ST3GAL4: variants seen among roughly 807,000 people sequenced by gnomAD.
ST3GAL4 encodes the protein CMP-N-acetylneuraminate-beta-galactosamide-alpha-2,3-sialyltransferase 4.
In ST3GAL4, 24 loss-of-function variants were observed where a neutral mutation model predicts 42.6. That is an observed-to-expected ratio of 0.56 (90% CI 0.41 to 0.79). The LOEUF is 0.79. Ranked by LOEUF, ST3GAL4 falls within the 30% of genes least tolerant of loss-of-function variation. The pLI is 0.00. For synonymous variants in ST3GAL4, 135 were observed against 163.2 expected (o/e 0.83, Z 1.32); for missense variants, 311 against 430.8 (o/e 0.72, Z 2.46).
At chr11:126,380,257 A>G (rs920176764) in intron 1 of ST3GAL4, among the ~76,000 whole-genome samples, 14 of 150,834 alleles carry the variant, frequency 9.3e-5, no homozygotes, top group African/African-American at 3.2e-4. Context: ...GCGAGACTGT[A>G]TCAAAAAAAA....
At chr11:126,403,056 T>C (rs895602668) in intron 1 of ST3GAL4, among the ~76,000 whole-genome samples, 7 of 152,170 alleles carry the variant, frequency 4.6e-5, no homozygotes, top group Non-Finnish European at 7.4e-5. Context: ...GTGGGGGAGC[T>C]GCTGGGGAAA....
chr11:126,391,441 G>A lies in ST3GAL4; in HGVS notation c.-60-14655G>A, dbSNP rs142921100. On this transcript the variant is annotated intron_variant, in intron 1 of 10. Coordinates refer to ENST00000444328, the MANE Select transcript of ST3GAL4 (RefSeq NM_001254757.2). The surrounding 1 kb of genome is among the most constrained non-coding windows in gnomAD (Gnocchi z 5.5). ...TGGAGTGGGGGTGCTGTTTCGGAGAGCGATGAATCAGGGGCTTGGGTGCTG... is the reference window on the plus strand; with the variant it reads ...TGGAGTGGGGGTGCTGTTTCGGAGAACGATGAATCAGGGGCTTGGGTGCTG... 3.8e-3 allele frequency among the ~76,000 whole-genome samples: 580 copies of A among 152,322 alleles called. 1 individual carries two copies. Among genetic ancestry groups the A allele is most frequent in the Admixed American group, 4.6e-3 (71 of 15,308 alleles).
rs869295718 is a variant in ST3GAL4, at chr11:126,374,454, C to CAA, written c.-61+18635_-61+18636dup. ...GAATGACAAAGCAAGACTTTGTCTC[C>CAA]AAAAAAAAAAAAAAAAAAAAAAAAT... is the stretch of plus-strand genomic sequence containing the variant. On this transcript the variant is annotated intron_variant, in intron 1 of 10. Transcript: ENST00000444328. Among the ~76,000 whole-genome samples the CAA allele has an allele frequency of 5.6e-3, 350 of 62,796 alleles. 1 individual carries two copies. The highest frequency in any genetic ancestry group is 7.4e-3 in the African/African-American group (125 of 16,950). 41.2% of individuals were successfully genotyped at this position (62,796 alleles called of 152,430 possible). A position where few individuals can be genotyped will look rare whatever the true frequency, so the allele number is the denominator to read the frequency against.
At position 126,376,621 on chromosome 11, in the gene ST3GAL4, T is replaced by G. The variant is rs533383566; in HGVS notation, c.-61+20779T>G. On this transcript the variant is annotated intron_variant, in intron 1 of 10. Transcript: ENST00000444328. This position sits in a 1 kb window ranked among gnomAD's most constrained non-coding sequence, Gnocchi z 5.1. ...GCTGTCTTTTAAGCAAGGTTAAGGC[T>G]GTTGTTAAGGCCTCATTGGTTTTGT... Among the ~76,000 whole-genome samples, 1 of 152,338 alleles carries G rather than the reference T, an allele frequency of 6.6e-6. No individual in the cohort carries two copies. The highest frequency in any genetic ancestry group is 6.5e-5 in the Admixed American group (1 of 15,304).
At chr11:126,380,967 C>A (rs898991240) in intron 1 of ST3GAL4, among the ~76,000 whole-genome samples, 1 of 152,204 alleles carries the variant, frequency 6.6e-6, no homozygotes, top group Non-Finnish European at 1.5e-5. Flanking sequence ...TCTGTACATG[C>A]GTGCCTGGAA....
At chr11:126,382,775 A>G (rs1255778731) in intron 1 of ST3GAL4, among the ~76,000 whole-genome samples, 2 of 152,172 alleles carry the variant, frequency 1.3e-5, no homozygotes, top group Non-Finnish European at 2.9e-5. Flanking sequence ...AGGCTCTGGA[A>G]TCCTCTGTCC....
chr11:126,398,976 C>T lies in ST3GAL4; in HGVS notation c.-60-7120C>T, dbSNP rs1392577618. Among the ~76,000 whole-genome samples the T allele has an allele frequency of 1.3e-5, 2 of 152,178 alleles. No homozygotes were observed. The highest frequency in any genetic ancestry group is 2.9e-5 in the Non-Finnish European group (2 of 68,010). On this transcript the variant is annotated intron_variant, in intron 1 of 10. Transcript: ENST00000444328. This position sits in a 1 kb window ranked among gnomAD's most constrained non-coding sequence, Gnocchi z 4.7. Reference sequence around the variant, plus strand: ...TGGCTTTTGACATAGTTCCTTCCCTCAGATTTTGGCACTGCCGGAGCTGTG... The same window carrying T: ...TGGCTTTTGACATAGTTCCTTCCCTTAGATTTTGGCACTGCCGGAGCTGTG...
At chr11:126,394,437 T>G (rs1953649901) in intron 1 of ST3GAL4, among the ~76,000 whole-genome samples, 1 of 152,226 alleles carries the variant, frequency 6.6e-6, no homozygotes, top group Non-Finnish European at 1.5e-5. Flanking sequence ...TTCTTTTTTC[T>G]TTTCTTTTTG....
At position 126,406,781 on chromosome 11, in the gene ST3GAL4, C is replaced by T; in HGVS notation, c.102-162C>T. Reference sequence around the variant, plus strand: ...CCCAGGGAGTGCAGGGGCAGGAAGACCTGGATCCTCAAGGACTTGGGTTCC... The same window carrying T: ...CCCAGGGAGTGCAGGGGCAGGAAGATCTGGATCCTCAAGGACTTGGGTTCC... On this transcript the variant is annotated intron_variant, in intron 3 of 10. Coordinates refer to ENST00000444328, the MANE Select transcript of ST3GAL4 (RefSeq NM_001254757.2). The surrounding 1 kb of genome is among the most constrained non-coding windows in gnomAD (Gnocchi z 5.4). 1.1e-6 allele frequency: 1 copy of T among 931,300 alleles called. No homozygotes were observed. Among genetic ancestry groups the T allele is most frequent in the Non-Finnish European group, 1.6e-6 (1 of 612,928 alleles). 57.7% of individuals were successfully genotyped at this position (931,300 alleles called of 1,614,324 possible). A position where few individuals can be genotyped will look rare whatever the true frequency, so the allele number is the denominator to read the frequency against.
Position 126,385,094 on chromosome 11 carries a change from T to TA in ST3GAL4, c.-60-20998dup, listed in dbSNP as rs371065624. ...AGGACTTGCTGCTGTTATCCACATT[T>TA]AAAAGACGAGGACTCTGAGGCTCTG... On this transcript the variant is annotated intron_variant, in intron 1 of 10. Transcript: ENST00000444328. 7.5e-3 allele frequency among the ~76,000 whole-genome samples: 1,142 copies of TA among 152,136 alleles called. 16 individuals are homozygous for TA. Among genetic ancestry groups the TA allele is most frequent in the African/African-American group, 0.026 (1,076 of 41,500 alleles).
rs148679520 is a variant in ST3GAL4 at position 126,384,389 on chromosome 11, G to A, written c.-60-21707G>A. 5.4e-3 allele frequency among the ~76,000 whole-genome samples: 825 copies of A among 152,270 alleles called. 7 individuals are homozygous for A. Among genetic ancestry groups the A allele is most frequent in the African/African-American group, 0.019 (783 of 41,554 alleles). On this transcript the variant is annotated intron_variant, in intron 1 of 10. Transcript: ENST00000444328. This position sits in a 1 kb window ranked among gnomAD's most constrained non-coding sequence, Gnocchi z 5.5. ...CTGGAATTTGTGGCACCTGTGTAGG[G>A]ACTCCAGGGCTGAACGTTGCCTTTG... is the stretch of plus-strand genomic sequence containing the variant.
Position 126,359,910 on chromosome 11 carries a change from G to A in ST3GAL4, c.-61+4068G>A, listed in dbSNP as rs898647232. ...CAAGGCAACCACGGCCACACGTGGG[G>A]AAGGGGAGGGGCCCTATGGGGTCTA... On this transcript the variant is annotated intron_variant, in intron 1 of 10. Coordinates refer to ENST00000444328, the MANE Select transcript of ST3GAL4 (RefSeq NM_001254757.2). The surrounding 1 kb of genome is among the most constrained non-coding windows in gnomAD (Gnocchi z 4.8). Among the ~76,000 whole-genome samples, 4 of 152,372 alleles carry A rather than the reference G, an allele frequency of 2.6e-5. No individual in the cohort carries two copies. The South Asian group carries it at 6.2e-4, about 24-fold the overall frequency.
chr11:126,382,992 A>C (rs1237256242), intron 1 of ST3GAL4, among the ~76,000 whole-genome samples: 1 of 152,206 alleles, frequency 6.6e-6, no homozygotes, highest in African/African-American at 2.4e-5. Flanking sequence ...TGTCACTGGG[A>C]CTGGGCACAG....
intron 1 of ST3GAL4, among the ~76,000 whole-genome samples, chr11:126,357,365 G>A (rs1952106524): frequency 6.6e-6 from 1 of 152,222 alleles, no homozygotes; most frequent in Non-Finnish European, 1.5e-5. Flanking sequence ...GGTGCACATG[G>A]AAGGAAGAGT....
rs1954379680 is a variant in ST3GAL4 at position 126,408,618 on chromosome 11, C to T, written c.627+122C>T. Reference sequence around the variant, plus strand: ...AGAGGCTGTGAGGGGACAGCATGAACCGGGCTCCCGGAAGTCAGCGCCTTA... The same window carrying T: ...AGAGGCTGTGAGGGGACAGCATGAATCGGGCTCCCGGAAGTCAGCGCCTTA... On this transcript the variant is annotated intron_variant, in intron 8 of 10. Coordinates refer to ENST00000444328, the MANE Select transcript of ST3GAL4 (RefSeq NM_001254757.2). 3.2e-6 allele frequency: 4 copies of T among 1,234,080 alleles called. No homozygotes were observed. In the South Asian group the frequency reaches 5.8e-5, roughly 18 times the overall value. The allele number at this position is 1,234,080 out of a possible 1,614,324, so 76.4% of individuals were successfully genotyped here.
Position 126,397,006 on chromosome 11 carries a change from A to G in ST3GAL4, c.-60-9090A>G, listed in dbSNP as rs1323079123. 6.6e-6 allele frequency among the ~76,000 whole-genome samples: 1 copy of G among 152,114 alleles called. No homozygotes were observed. The highest frequency in any genetic ancestry group is 2.4e-5 in the African/African-American group (1 of 41,370). On this transcript the variant is annotated intron_variant, in intron 1 of 10. Coordinates refer to ENST00000444328, the MANE Select transcript of ST3GAL4 (RefSeq NM_001254757.2). The surrounding 1 kb of genome is among the most constrained non-coding windows in gnomAD (Gnocchi z 5.0). The stretch of plus-strand genomic sequence containing the variant: ...TACTGGTGTCTAGTAGGTAGAGGCC[A>G]GAGATGGCTGCTAAACACCCCATAA...
rs10683946 is a variant in ST3GAL4, at chr11:126,388,767, C to CTTTT, written c.-60-17311_-60-17308dup. ...CAAATGTACTTTAGTTTTTCAGTGTCTTTTTTTTTTTTTTTTTTTTTGAGA... is the reference window on the plus strand; with the variant it reads ...CAAATGTACTTTAGTTTTTCAGTGTCTTTTTTTTTTTTTTTTTTTTTTTTTGAGA... On this transcript the variant is annotated intron_variant, in intron 1 of 10. Coordinates refer to ENST00000444328, the MANE Select transcript of ST3GAL4 (RefSeq NM_001254757.2). Among the ~76,000 whole-genome samples the CTTTT allele has an allele frequency of 5.8e-3, 302 of 52,026 alleles. 54 individuals are homozygous for CTTTT. The highest frequency in any genetic ancestry group is 0.022 in the African/African-American group (239 of 11,002). The allele number at this position is 52,026 out of a possible 152,430, so 34.1% of individuals were successfully genotyped here. A position where few individuals can be genotyped will look rare whatever the true frequency, so the allele number is the denominator to read the frequency against.
At position 126,407,650 on chromosome 11, in the gene ST3GAL4, G is replaced by A. The variant is rs554887290; in HGVS notation, c.341+16G>A. 487 of 1,613,552 alleles carry A rather than the reference G, an allele frequency of 3.0e-4. 4 individuals are homozygous for A. The highest frequency in any genetic ancestry group is 2.5e-3 in the South Asian group (228 of 91,054). ...ACATCCAGAGGTAAGGCGGCACTCC[G>A]ACTCCAGTCTGGGCACCTTCTCCTA... On this transcript the variant is annotated intron_variant, in intron 6 of 10. Coordinates refer to ENST00000444328, the MANE Select transcript of ST3GAL4 (RefSeq NM_001254757.2).
At chr11:126,385,651 A>G (rs1565407170) in intron 1 of ST3GAL4, among the ~76,000 whole-genome samples, 1 of 152,044 alleles carries the variant, frequency 6.6e-6, no homozygotes, top group African/African-American at 2.4e-5. Context: ...GTACTCCCCC[A>G]TCAATTTGTT....
Sources: allele counts gnomAD v4.1 joint callset (sites outside exome capture counted in the v4.1 genomes callset), GRCh38; gene constraint gnomAD v4.1.1; non-coding constraint Gnocchi (gnomAD v3.1); transcripts MANE v1.5; gene names NCBI Gene and HGNC (gene_info 2026-07-23, HGNC 2026-07-21).